The following THSD7B variants were observed in gnomAD, a reference collection of about 807,000 sequenced individuals.
THSD7B encodes the protein thrombospondin type-1 domain-containing protein 7B.
A neutral mutation model predicts 213.6 loss-of-function variants in THSD7B; 138 were observed. That is an observed-to-expected ratio of 0.65 (90% CI 0.56 to 0.74). THSD7B has a LOEUF of 0.74. Ranked by LOEUF, THSD7B falls within the 30% of genes least tolerant of loss-of-function variation. The probability of loss-of-function intolerance (pLI) is 0.00; values close to 1 mark genes in which losing one functional copy is unlikely to be tolerated. For synonymous variants in THSD7B, 742 were observed against 687.0 expected (o/e 1.08, Z -1.25); for missense variants, 1,931 against 1,991.5 (o/e 0.97, Z 0.58).
At chr2:137,018,456 A>G (rs1573769979) in intron 2 of THSD7B, among the ~76,000 whole-genome samples, 1 of 152,174 alleles carries the variant, frequency 6.6e-6, no homozygotes, top group Non-Finnish European at 1.5e-5. Context: ...AAAGGTACAT[A>G]TCTATACCCT....
At chr2:137,132,083 A>G (rs1479434552) in intron 5 of THSD7B, among the ~76,000 whole-genome samples, 1 of 149,350 alleles carries the variant, frequency 6.7e-6, no homozygotes, top group African/African-American at 2.5e-5. Context: ...TTCTCCTTGA[A>G]GAGGTCCTTC....
chr2:136,882,460 T>A, intron 2 of THSD7B, 143 bp downstream of exon 2: 1 of 984,732 alleles, frequency 1.0e-6, no homozygotes, highest in Non-Finnish European at 1.3e-6. Context: ...CTGCAGCTCA[T>A]ATTTGATTTT....
intron 15 of THSD7B, among the ~76,000 whole-genome samples, chr2:137,468,286 A>C (rs2105089009): frequency 6.6e-6 from 1 of 152,264 alleles, no homozygotes; most frequent in South Asian, 2.1e-4. Flanking sequence ...AGTTGCTATA[A>C]AAAGTTTAAA....
intron 2 of THSD7B, among the ~76,000 whole-genome samples, chr2:137,035,356 T>A (rs1433745655): frequency 6.6e-6 from 1 of 152,204 alleles, no homozygotes; most frequent in East Asian, 1.9e-4. Context: ...CTCTCCTTTT[T>A]GCAATGCAGT....
chr2:137,280,837 C>T (rs1437770175), intron 12 of THSD7B, among the ~76,000 whole-genome samples: 1 of 152,038 alleles, frequency 6.6e-6, no homozygotes, highest in Non-Finnish European at 1.5e-5. Flanking sequence ...GAAAGAAAAG[C>T]CGAGATGCTG....
chr2:137,119,158 A>G (rs1688498119), intron 5 of THSD7B, among the ~76,000 whole-genome samples: 3 of 152,202 alleles, frequency 2.0e-5, no homozygotes, highest in Admixed American at 2.0e-4. Flanking sequence ...TTTAATTCTG[A>G]CTTTGAAGGA....
In THSD7B at chr2:136,813,432, T is replaced by C. The variant is rs549865552; in HGVS notation, c.-36+47745T>C. ...TCCCATTTCCCAAGAGAAGGAAAAA[T>C]GGAGCGCCTGCTCTTCGAGATGACT... On this transcript the variant is annotated intron_variant, in intron 1 of 27. Coordinates refer to ENST00000409968, the MANE Select transcript of THSD7B (RefSeq NM_001316349.2). Among the ~76,000 whole-genome samples, 43 of 152,286 alleles carry C rather than the reference T, an allele frequency of 2.8e-4. No individual in the cohort carries two copies. In the South Asian group the frequency reaches 4.4e-3, roughly 15 times the overall value.
chr2:136,767,835 C>A (rs867753004), intron 1 of THSD7B, among the ~76,000 whole-genome samples: 1 of 152,118 alleles, frequency 6.6e-6, no homozygotes, highest in African/African-American at 2.4e-5. Context: ...GTTCATAATA[C>A]GATGAGCTCA....
rs1034969053 is a variant in THSD7B, at chr2:137,632,327, T to G, written c.3800-10161T>G. On this transcript the variant is annotated intron_variant, in intron 20 of 27. Coordinates refer to ENST00000409968, the MANE Select transcript of THSD7B (RefSeq NM_001316349.2). Reference sequence around the variant, plus strand: ...CTGAATTTTAAACCTTCTAAATATGTTCTTGCCTCGCAACTAATAATGTTG... The same window carrying G: ...CTGAATTTTAAACCTTCTAAATATGGTCTTGCCTCGCAACTAATAATGTTG... 3.9e-5 allele frequency among the ~76,000 whole-genome samples: 6 copies of G among 152,340 alleles called. No individual in the cohort carries two copies. In the East Asian group the frequency reaches 1.2e-3, roughly 29 times the overall value.
At chr2:137,624,874 G>A in intron 20 of THSD7B, among the ~76,000 whole-genome samples, 1 of 152,226 alleles carries the variant, frequency 6.6e-6, no homozygotes, top group Non-Finnish European at 1.5e-5. Context: ...TACACTGTTG[G>A]TGGGACTGTA....
intron 10 of THSD7B, among the ~76,000 whole-genome samples, chr2:137,254,660 T>C (rs891484225): frequency 8.5e-5 from 13 of 152,190 alleles, no homozygotes; most frequent in African/African-American, 2.7e-4. Context: ...TATGCTCATG[T>C]GTAACATAGA....
At chr2:136,778,608 C>G (rs1446707481) in intron 1 of THSD7B, among the ~76,000 whole-genome samples, 1 of 152,204 alleles carries the variant, frequency 6.6e-6, no homozygotes, top group Admixed American at 6.5e-5. Flanking sequence ...AAAAACTCCT[C>G]TGTTACCGAT....
At chr2:137,248,361 A>G (rs1682089940) in intron 10 of THSD7B, among the ~76,000 whole-genome samples, 1 of 152,120 alleles carries the variant, frequency 6.6e-6, no homozygotes, top group Admixed American at 6.6e-5. Flanking sequence ...TCATTAATGA[A>G]CTTCCAGTGC....
At chr2:136,968,818 T>A (rs1685360860) in intron 2 of THSD7B, among the ~76,000 whole-genome samples, 2 of 152,198 alleles carry the variant, frequency 1.3e-5, no homozygotes, top group African/African-American at 2.4e-5. Context: ...TTCCTTCTAG[T>A]TTTTCTCCTC....
At chr2:136,934,100 A>T (rs1216087339) in intron 2 of THSD7B, among the ~76,000 whole-genome samples, 2 of 152,218 alleles carry the variant, frequency 1.3e-5, no homozygotes, top group African/African-American at 2.4e-5. Flanking sequence ...AAATTAGCAT[A>T]CAAAGTTAGA....
At chr2:137,283,181 G>A (rs559824694) in intron 12 of THSD7B, among the ~76,000 whole-genome samples, 1 of 152,098 alleles carries the variant, frequency 6.6e-6, no homozygotes, top group Non-Finnish European at 1.5e-5. Flanking sequence ...GTGAATGGCA[G>A]TTCACTCATG....
intron 14 of THSD7B, among the ~76,000 whole-genome samples, chr2:137,430,537 G>A (rs1048697203): frequency 5.3e-5 from 8 of 152,324 alleles, no homozygotes; most frequent in East Asian, 3.9e-4. Flanking sequence ...CTGCCCCATG[G>A]ATAAAATCTC....
chr2:137,161,796 A>G (rs11899922), intron 6 of THSD7B, among the ~76,000 whole-genome samples: 20,421 of 152,116 alleles, frequency 0.13, 2,139 homozygotes, highest in African/African-American at 0.29. Context: ...TGATCTACAC[A>G]TATATAGTCA....
At chr2:137,590,813 T>TTTTTTTTTTTTTTTTTTTG (rs1205310881) in intron 17 of THSD7B, among the ~76,000 whole-genome samples, 1 of 147,786 alleles carries the variant, frequency 6.8e-6, no homozygotes, top group Admixed American at 6.8e-5. Context: ...TTTTTTTTTT[T>TTTTTTTTTTTTTTTTTTTG]AGCTAAGGAG....
Sources: allele counts gnomAD v4.1 joint callset (sites outside exome capture counted in the v4.1 genomes callset), GRCh38; gene constraint gnomAD v4.1.1; transcripts MANE v1.5; gene names NCBI Gene and HGNC (gene_info 2026-07-23, HGNC 2026-07-21).